The following FREM2 variants were observed in gnomAD, a reference collection of about 807,000 sequenced individuals.
FREM2 encodes the protein FRAS1 related extracellular matrix 2.
FREM2 carries 119 observed loss-of-function variants against 219.9 expected under a neutral mutation model. The observed-to-expected ratio is 0.54, with a 90% CI of 0.47 to 0.63. FREM2 has a LOEUF of 0.63. Among genes scored for constraint, FREM2 ranks in the 30% least tolerant of loss-of-function variants. The pLI is 0.00. For missense variants in FREM2, 4,030 were observed against 3,993.6 expected (o/e 1.01, Z -0.25); for synonymous variants, 1,562 against 1,522.8 (o/e 1.03, Z -0.60).
intron 6 of FREM2, among the ~76,000 whole-genome samples, chr13:38,809,308 T>G (rs545245009): frequency 9.6e-4 from 146 of 151,964 alleles, no homozygotes; most frequent in African/African-American, 3.3e-3. Flanking sequence ...AAATTTTCTT[T>G]TTTTTTTAAA....
intron 2 of FREM2, among the ~76,000 whole-genome samples, chr13:38,714,117 C>CCTTG (rs1870886539): frequency 6.6e-6 from 1 of 152,192 alleles, no homozygotes; most frequent in African/African-American, 2.4e-5. Context: ...GGGACAGAGG[C>CCTTG]CTTGTCACAG....
At chr13:38,853,142 A>G (rs1180552843) in intron 11 of FREM2, among the ~76,000 whole-genome samples, 1 of 151,810 alleles carries the variant, frequency 6.6e-6, no homozygotes, top group African/African-American at 2.4e-5. Context: ...AGCCTGACCA[A>G]CATGGCAAAA....
chr13:38,835,854 G>A (rs562217070), intron 6 of FREM2, among the ~76,000 whole-genome samples: 1 of 152,314 alleles, frequency 6.6e-6, no homozygotes, highest in South Asian at 2.1e-4. Flanking sequence ...CTGAGACGAT[G>A]GAGTTTTCTA....
intron 2 of FREM2, among the ~76,000 whole-genome samples, chr13:38,741,747 A>G (rs540642055): frequency 1.3e-5 from 2 of 152,292 alleles, no homozygotes; most frequent in South Asian, 4.1e-4. Context: ...CATAGAAAGT[A>G]ATCGTTATGT....
intron 2 of FREM2, among the ~76,000 whole-genome samples, chr13:38,704,149 G>T (rs1430627923): frequency 6.6e-6 from 1 of 152,096 alleles, no homozygotes; most frequent in African/African-American, 2.4e-5. Context: ...GAGTTTCTAT[G>T]GTGAATCTTA....
chr13:38,878,600 A>C (rs1271112018), intron 22 of FREM2, among the ~76,000 whole-genome samples: 1 of 151,834 alleles, frequency 6.6e-6, no homozygotes, highest in African/African-American at 2.4e-5. Flanking sequence ...AGATTGCTTA[A>C]GTCAGGAAGT....
chr13:38,851,360 T>G (rs530431933), intron 10 of FREM2, among the ~76,000 whole-genome samples: 1 of 152,314 alleles, frequency 6.6e-6, no homozygotes, highest in South Asian at 2.1e-4. Context: ...GGCCCTCTAC[T>G]CTATACACAC....
chr13:38,708,522 C>T (rs1408299926), intron 2 of FREM2, among the ~76,000 whole-genome samples: 1 of 151,896 alleles, frequency 6.6e-6, no homozygotes, highest in Non-Finnish European at 1.5e-5. Context: ...GGCCTGGTAG[C>T]GTGTGCCTGT....
chr13:38,785,172 C>T (rs1039710535), intron 6 of FREM2, among the ~76,000 whole-genome samples: 2 of 152,040 alleles, frequency 1.3e-5, no homozygotes, highest in East Asian at 1.9e-4. Flanking sequence ...TATTTTGTAA[C>T]TTTAATCTCA....
intron 2 of FREM2, among the ~76,000 whole-genome samples, chr13:38,712,318 C>T (rs972514061): frequency 1.3e-5 from 2 of 152,180 alleles, no homozygotes; most frequent in African/African-American, 4.8e-5. Context: ...TAGGTAGTTG[C>T]TTAATTCATA....
At chr13:38,789,464 T>C (rs1253681771) in intron 6 of FREM2, among the ~76,000 whole-genome samples, 1 of 151,722 alleles carries the variant, frequency 6.6e-6, no homozygotes, top group Non-Finnish European at 1.5e-5. Context: ...TCTGTCTGTC[T>C]CTTTTCCTTT....
In FREM2 at chr13:38,856,132, A is replaced by G. The variant is rs773010779; in HGVS notation, c.6932A>G (p.Glu2311Gly). 14 of 1,602,972 alleles carry G rather than the reference A, an allele frequency of 8.7e-6. No homozygotes were observed. Among genetic ancestry groups the G allele is most frequent in the Non-Finnish European group, 1.2e-5 (14 of 1,171,716 alleles). ...EDYHPVSEEI[E>G]FKEGETQHVV... ...TGTGATGTTACATTTGTAGAAATTG[A>G]GTTTAAGGAAGGGGAAACCCAGCAC... Residue 2311 changes from glutamate (E) to glycine (G), a missense_variant, in exon 12 of 24, where the codon GAG (glutamate) becomes GGG (glycine). Glu to Gly is a moderately conservative substitution (Grantham distance 98). Transcript: ENST00000280481.
rs372728179 is a variant in FREM2, at chr13:38,744,404, A to G, written c.5264-19900A>G. Among the ~76,000 whole-genome samples the G allele has an allele frequency of 4.4e-4, 66 of 151,544 alleles. No homozygotes were observed. The South Asian group carries it at 0.013, about 31-fold the overall frequency. ...TTTTTTGTAGAGATGGTGTCTCACT[A>G]TGTTGACCAGGCTGATTGCAAATCT... On this transcript the variant is annotated intron_variant, in intron 2 of 23. Transcript: ENST00000280481.
intron 6 of FREM2, among the ~76,000 whole-genome samples, chr13:38,822,352 T>C (rs1384033915): frequency 0.023 from 3,461 of 148,296 alleles, 140 homozygotes; most frequent in African/African-American, 0.082. Flanking sequence ...TCTTTCTTTT[T>C]TTTTTTTTTT....
intron 2 of FREM2, among the ~76,000 whole-genome samples, chr13:38,727,346 G>A (rs1871569900): frequency 1.3e-5 from 2 of 152,134 alleles, no homozygotes; most frequent in Non-Finnish European, 2.9e-5. Flanking sequence ...CAGCGTGGTG[G>A]CACAGGCCTG....
In FREM2 at chr13:38,802,684, G is replaced by A. The variant is rs149944610; in HGVS notation, c.6019+17876G>A. On this transcript the variant is annotated intron_variant, in intron 6 of 23. Transcript: ENST00000280481. Reference sequence around the variant, plus strand: ...CAGGATAAGACACAGTCCTTTGGGGGTTTGATTCTCAGAATGGCACCAAGC... The same window carrying A: ...CAGGATAAGACACAGTCCTTTGGGGATTTGATTCTCAGAATGGCACCAAGC... Among the ~76,000 whole-genome samples the A allele has an allele frequency of 1.5e-4, 23 of 152,322 alleles. No homozygotes were observed. In the East Asian group the frequency reaches 4.2e-3, roughly 28 times the overall value.
At chr13:38,868,444 C>T (rs1454054375) in intron 16 of FREM2, among the ~76,000 whole-genome samples, 1 of 152,108 alleles carries the variant, frequency 6.6e-6, no homozygotes, top group Non-Finnish European at 1.5e-5. Context: ...AATAACTAGC[C>T]CAGGTTCGTG....
At chr13:38,802,932 C>T (rs1347044175) in intron 6 of FREM2, among the ~76,000 whole-genome samples, 1 of 152,174 alleles carries the variant, frequency 6.6e-6, no homozygotes, top group Admixed American at 6.5e-5. Flanking sequence ...CTCCCAGCTC[C>T]CAGCCAATCC....
intron 2 of FREM2, among the ~76,000 whole-genome samples, chr13:38,717,974 A>T (rs1250008888): frequency 6.6e-6 from 1 of 152,222 alleles, no homozygotes; most frequent in Admixed American, 6.5e-5. Context: ...CATGCTCATT[A>T]TAAGAGAAAT....
Sources: allele counts gnomAD v4.1 joint callset (sites outside exome capture counted in the v4.1 genomes callset), GRCh38; gene constraint gnomAD v4.1.1; transcripts MANE v1.5; gene names NCBI Gene and HGNC (gene_info 2026-07-23, HGNC 2026-07-21).